Variants in SEL1L2 observed in about 807,000 individuals in gnomAD.
The protein encoded by SEL1L2 is SEL1L2 adaptor subunit of SYVN1 ubiquitin ligase.
In SEL1L2, 89 loss-of-function variants were observed where a neutral mutation model predicts 98.8. That is an observed-to-expected ratio of 0.90 (90% confidence interval 0.76 to 1.07). SEL1L2 has a LOEUF of 1.07. Ranked by LOEUF, SEL1L2 falls within the 50% of genes least tolerant of loss-of-function variation. SEL1L2 has a pLI of 0.00. For synonymous variants in SEL1L2, 262 were observed against 278.5 expected (o/e 0.94, Z 0.59); for missense variants, 788 against 812.0 (o/e 0.97, Z 0.36).
chr20:13,905,285 A>G (rs182567573), intron 5 of SEL1L2, among the ~76,000 whole-genome samples: 23 of 148,858 alleles, frequency 1.5e-4, no homozygotes, highest in Admixed American at 1.5e-3. Flanking sequence ...AAATATGTTG[A>G]TTATAGTAAG....
chr20:13,906,174 C>G (rs1179990221), intron 5 of SEL1L2, among the ~76,000 whole-genome samples: 1 of 152,140 alleles, frequency 6.6e-6, no homozygotes, highest in Non-Finnish European at 1.5e-5. Context: ...GGGCTCCCAG[C>G]CCCTGTAAGA....
intron 5 of SEL1L2, among the ~76,000 whole-genome samples, chr20:13,892,312 T>A (rs1465910454): frequency 6.7e-6 from 1 of 148,842 alleles, no homozygotes; most frequent in Non-Finnish European, 1.5e-5. Flanking sequence ...AGCCACCATA[T>A]GATGGCAGGC....
intron 3 of SEL1L2, among the ~76,000 whole-genome samples, chr20:13,926,919 G>A (rs369569090): frequency 2.6e-5 from 4 of 152,176 alleles, no homozygotes; most frequent in African/African-American, 7.2e-5. Flanking sequence ...ATTCTAAGGG[G>A]TGCCAGGAAG....
At chr20:13,850,561 C>T (rs1988082894) in intron 18 of SEL1L2, among the ~76,000 whole-genome samples, 1 of 152,108 alleles carries the variant, frequency 6.6e-6, no homozygotes. Flanking sequence ...GCATGAGGGA[C>T]TCAACTTGCC....
intron 1 of SEL1L2, 130 bp downstream of exon 1, chr20:13,990,347 T>C (rs1213488841): frequency 3.0e-5 from 20 of 674,994 alleles, no homozygotes; most frequent in Non-Finnish European, 5.3e-5. Context: ...TTAAAGTACC[T>C]GTACAAAAAT....
chr20:13,957,861 A>G (rs1255648910), intron 1 of SEL1L2, among the ~76,000 whole-genome samples: 1 of 152,210 alleles, frequency 6.6e-6, no homozygotes, highest in Non-Finnish European at 1.5e-5. Flanking sequence ...TGGGTGACAG[A>G]GCGAGACCCT....
chr20:13,980,988 A>G (rs559421176), intron 1 of SEL1L2, among the ~76,000 whole-genome samples: 1 of 152,310 alleles, frequency 6.6e-6, no homozygotes, highest in African/African-American at 2.4e-5. Context: ...TACGCCTGTA[A>G]TCCCAGCACT....
At chr20:13,866,008 A>C (rs532854393) in intron 15 of SEL1L2, among the ~76,000 whole-genome samples, 1 of 152,294 alleles carries the variant, frequency 6.6e-6, no homozygotes, top group East Asian at 1.9e-4. Context: ...TAGGGGGACA[A>C]ATGTCAACTT....
chr20:13,939,665 C>CTTTTTT (rs3042764), intron 2 of SEL1L2, among the ~76,000 whole-genome samples: 6,816 of 137,106 alleles, frequency 0.05, 280 homozygotes, highest in Non-Finnish European at 0.06. Context: ...CACCCTTATT[C>CTTTTTT]TTTTTTTTTT....
At chr20:13,989,046 G>C (rs1046554834) in intron 1 of SEL1L2, among the ~76,000 whole-genome samples, 41 of 152,200 alleles carry the variant, frequency 2.7e-4, no homozygotes, top group Middle Eastern at 3.4e-3. Context: ...AATAAAGATT[G>C]TGTTGAATAT....
At chr20:13,905,350 G>A (rs1366294400) in intron 5 of SEL1L2, among the ~76,000 whole-genome samples, 4 of 123,256 alleles carry the variant, frequency 3.2e-5, no homozygotes. Context: ...TCTCACTCTT[G>A]TCACCCGGGC....
Position 13,931,716 on chromosome 20 carries a change from G to T in SEL1L2, c.170C>A (p.Ser57Tyr). The T allele has an allele frequency of 6.4e-7, 1 of 1,562,780 alleles. No homozygotes were observed. The highest frequency in any genetic ancestry group is 8.7e-7 in the Non-Finnish European group (1 of 1,155,700). ...YLSHILEQRT[S>Y]SNVINKRENL... ...TTCTCTTTTATTGATTACATTACTA[G>T]ATGTTCTTTGTTCCAATATGTGTGA... Residue 57 changes from serine to tyrosine, a missense_variant, in exon 3 of 20, where the codon TCT becomes TAT. Ser to Tyr is a moderately radical substitution (Grantham distance 144). Transcript: ENST00000284951.
At position 13,959,644 on chromosome 20, in the gene SEL1L2, A is replaced by AACT. The variant is rs544928830; in HGVS notation, c.59-3516_59-3514dup. On this transcript the variant is annotated intron_variant, in intron 1 of 19. Transcript: ENST00000284951. ...CTACCACTTCTTCAAACATCTTGAC[A>AACT]ACTTTTTGCAGGGAAAATGCCTCTA... is the stretch of plus-strand genomic sequence containing the variant. Among the ~76,000 whole-genome samples the AACT allele has an allele frequency of 2.7e-4, 41 of 152,352 alleles. No individual in the cohort carries two copies. In the South Asian group the frequency reaches 7.7e-3, roughly 29 times the overall value.
chr20:13,931,797 T>C (rs2049157054), intron 2 of SEL1L2, 26 bp from the exon 3 acceptor site: 1 of 1,474,120 alleles, frequency 6.8e-7, no homozygotes, highest in Non-Finnish European at 9.0e-7. Context: ...CTGTTGCTCA[T>C]TTTGTTCATG....
chr20:13,906,521 A>C lies in SEL1L2; in HGVS notation c.549+7261T>G, dbSNP rs187263183. On this transcript the variant is annotated intron_variant, in intron 5 of 19. Transcript: ENST00000284951. Reference sequence around the variant, plus strand: ...CAACTCAGGTACTGTCTGTACTTTTAATACAAAAAGAACATTAACATCAAG... The same window carrying C: ...CAACTCAGGTACTGTCTGTACTTTTCATACAAAAAGAACATTAACATCAAG... Among the ~76,000 whole-genome samples the C allele has an allele frequency of 8.5e-5, 13 of 152,326 alleles. No individual in the cohort carries two copies. The East Asian group carries it at 2.1e-3, about 25-fold the overall frequency.
At chr20:13,929,944 C>T (rs890019808) in intron 3 of SEL1L2, among the ~76,000 whole-genome samples, 1 of 152,194 alleles carries the variant, frequency 6.6e-6, no homozygotes, top group African/African-American at 2.4e-5. Context: ...GCACATGCCA[C>T]CACACCCGGT....
At chr20:13,954,926 G>C (rs1221705078) in intron 2 of SEL1L2, among the ~76,000 whole-genome samples, 1 of 152,184 alleles carries the variant, frequency 6.6e-6, no homozygotes, top group African/African-American at 2.4e-5. Flanking sequence ...TGCTAATTAT[G>C]GGATGTGGTA....
chr20:13,963,938 C>T (rs2050902989), intron 1 of SEL1L2, among the ~76,000 whole-genome samples: 1 of 152,100 alleles, frequency 6.6e-6, no homozygotes, highest in Non-Finnish European at 1.5e-5. Flanking sequence ...AAGGCACCAT[C>T]TCAGCTCTCT....
intron 18 of SEL1L2, among the ~76,000 whole-genome samples, chr20:13,852,579 C>T (rs1041602139): frequency 5.3e-5 from 8 of 152,178 alleles, no homozygotes; most frequent in African/African-American, 1.9e-4. Flanking sequence ...CCACTACATA[C>T]CCAGTCCACT....
Sources: gnomAD v4.1 joint callset for allele counts (sites outside exome capture counted in the v4.1 genomes callset) on GRCh38, gnomAD v4.1.1 for gene constraint, MANE v1.5 for transcripts, NCBI Gene and HGNC (gene_info 2026-07-23, HGNC 2026-07-21) for gene names.